Variants in RNF187 observed in about 807,000 individuals in gnomAD.
RNF187 encodes the protein ring finger protein 187, also known as E3 ubiquitin-protein ligase RNF187.
In RNF187, 18 loss-of-function variants were observed where a neutral mutation model predicts 22.2. The observed-to-expected ratio is 0.81, with a 90% CI of 0.56 to 1.20. The LOEUF is 1.20. RNF187 is among the 50% of genes most tolerant of loss of function. The pLI is 0.00. For missense variants in RNF187, 329 were observed against 317.6 expected (o/e 1.04, Z -0.27); for synonymous variants, 164 against 140.9 (o/e 1.16, Z -1.16).
Position 228,495,754 on chromosome 1 carries a change from A to G in RNF187, c.*1869A>G. On this transcript the variant is annotated 3_prime_UTR_variant, in exon 4 of 4. Coordinates refer to ENST00000305943, the MANE Select transcript of RNF187 (RefSeq NM_001010858.3). ...TTCTATTTAAGAAAATTATATATTT[A>G]TGGGGCACAGTGTGATGTTTTGATA... is the stretch of plus-strand genomic sequence containing the variant. 1.0e-6 allele frequency: 1 copy of G among 983,724 alleles called. No homozygotes were observed. The highest frequency in any genetic ancestry group is 4.7e-5 in the South Asian group (1 of 21,262). The allele number at this position is 983,724 out of a possible 1,614,324, so 60.9% of individuals were successfully genotyped here.
Position 228,493,069 on chromosome 1 carries a change from G to C in RNF187, c.500G>C (p.Arg167Pro). 4 of 1,549,900 alleles carry C rather than the reference G, an allele frequency of 2.6e-6. No individual in the cohort carries two copies. The highest frequency in any genetic ancestry group is 3.5e-6 in the Non-Finnish European group (4 of 1,145,800). ...CGTTTGCAGGGACACGTGATGGACC[G>C]TAGGAAGAAGGCACTGACCGACTAC... The change falls in exon 3 of 4, where the codon CGT becomes CCT. Residue 167 changes from arginine (R) to proline (P), a missense_variant. Physicochemically the swap from Arg to Pro is moderately radical, Grantham distance 103 (BLOSUM62 -2). Coordinates refer to ENST00000305943, the MANE Select transcript of RNF187 (RefSeq NM_001010858.3). The surrounding 1 kb of genome is among the most constrained non-coding windows in gnomAD (Gnocchi z 4.7).
In RNF187 at chr1:228,493,343, G is replaced by T; in HGVS notation, c.705+69G>T. ...GACGCAGGCAGCAGCGAGCCATTGG[G>T]GGACCATTGCCCGAAGTCAAGGCTT... is the stretch of plus-strand genomic sequence containing the variant. On this transcript the variant is annotated intron_variant, in intron 3 of 3. Coordinates refer to ENST00000305943, the MANE Select transcript of RNF187 (RefSeq NM_001010858.3). The surrounding 1 kb of genome is among the most constrained non-coding windows in gnomAD (Gnocchi z 4.7). The T allele has an allele frequency of 6.7e-7, 1 of 1,499,532 alleles. No homozygotes were observed. Among genetic ancestry groups the T allele is most frequent in the South Asian group, 1.3e-5 (1 of 78,640 alleles). The allele number at this position is 1,499,532 out of a possible 1,614,324, so 92.9% of individuals were successfully genotyped here.
chr1:228,493,557 G>T lies in RNF187; in HGVS notation c.705+283G>T. 6.6e-6 allele frequency among the ~76,000 whole-genome samples: 1 copy of T among 152,240 alleles called. No individual in the cohort carries two copies. The highest frequency in any genetic ancestry group is 1.5e-5 in the Non-Finnish European group (1 of 68,042). On this transcript the variant is annotated intron_variant, in intron 3 of 3. Coordinates refer to ENST00000305943, the MANE Select transcript of RNF187 (RefSeq NM_001010858.3). The surrounding 1 kb of genome is among the most constrained non-coding windows in gnomAD (Gnocchi z 4.7). ...TGGAAGGCTCCTGCCTCGCCCTGGGGTCCTGAAGGCAGAAGCAGCCAAGAA... is the reference window on the plus strand; with the variant it reads ...TGGAAGGCTCCTGCCTCGCCCTGGGTTCCTGAAGGCAGAAGCAGCCAAGAA...
chr1:228,488,873 T>G, intron 1 of RNF187, 87 bp from the exon 2 acceptor site: 2 of 1,045,616 alleles, frequency 1.9e-6, no homozygotes, highest in Non-Finnish European at 2.9e-6. Flanking sequence ...CTGTGTGCAG[T>G]CAGCTGGGGT....
intron 1 of RNF187, chr1:228,488,632 G>T: frequency 4.7e-6 from 1 of 212,300 alleles, no homozygotes; most frequent in Non-Finnish European, 9.6e-6. Flanking sequence ...CCCCCATCCG[G>T]CTCAGGCAGG....
In RNF187 at chr1:228,495,346, G is replaced by A; in HGVS notation, c.*1461G>A. 2 of 392,916 alleles carry A rather than the reference G, an allele frequency of 5.1e-6. No homozygotes were observed. The highest frequency in any genetic ancestry group is 1.6e-4 in the East Asian group (1 of 6,150). 24.3% of individuals were successfully genotyped at this position (392,916 alleles called of 1,614,324 possible). On this transcript the variant is annotated 3_prime_UTR_variant, in exon 4 of 4. Coordinates refer to ENST00000305943, the MANE Select transcript of RNF187 (RefSeq NM_001010858.3). ...GGAACCCAGTCAGGTACCATTGAGG[G>A]TGGTCAGATATTATGGTTAACCAAA...
Position 228,493,049 on chromosome 1 carries a change from GC to G in RNF187, c.484-3del. On this transcript the variant is annotated splice_polypyrimidine_tract_variant and splice_region_variant and intron_variant, in intron 2 of 3. Coordinates refer to ENST00000305943, the MANE Select transcript of RNF187 (RefSeq NM_001010858.3). This position sits in a 1 kb window ranked among gnomAD's most constrained non-coding sequence, Gnocchi z 4.7. ...ACAGGTCTTTTCCTGCCACCCGTTT[GC>G]AGGGACACGTGATGGACCGTAGGAA... The G allele has an allele frequency of 9.7e-6, 15 of 1,538,474 alleles. No individual in the cohort carries two copies. The highest frequency in any genetic ancestry group is 1.2e-5 in the Non-Finnish European group (14 of 1,137,850).
chr1:228,488,957 C>T lies in RNF187; in HGVS notation c.391-3C>T. The T allele has an allele frequency of 2.6e-6, 4 of 1,550,754 alleles. No individual in the cohort carries two copies. The African/African-American group carries it at 4.1e-5, about 16-fold the overall frequency. ...ACCCCTGGTGACCTTCTTTTCTTTA[C>T]AGGAGAACAAGGGGTCTGTGGAAAT... On this transcript the variant is annotated splice_polypyrimidine_tract_variant and splice_region_variant and intron_variant, in intron 1 of 3. Coordinates refer to ENST00000305943, the MANE Select transcript of RNF187 (RefSeq NM_001010858.3).
At position 228,494,589 on chromosome 1, in the gene RNF187, C is replaced by G; in HGVS notation, c.*704C>G. On this transcript the variant is annotated 3_prime_UTR_variant, in exon 4 of 4. Transcript: ENST00000305943. ...CTGTTTCCCTGGGTGAGGGGGCTGGCAGGTGGCTAACCCCATTTAGCATCT... is the reference window on the plus strand; with the variant it reads ...CTGTTTCCCTGGGTGAGGGGGCTGGGAGGTGGCTAACCCCATTTAGCATCT... 6.1e-6 allele frequency: 6 copies of G among 985,834 alleles called. No individual in the cohort carries two copies. The highest frequency in any genetic ancestry group is 7.2e-6 in the Non-Finnish European group (6 of 830,264). 61.1% of individuals were successfully genotyped at this position (985,834 alleles called of 1,614,324 possible). A position where few individuals can be genotyped will look rare whatever the true frequency, so the allele number is the denominator to read the frequency against.
At chr1:228,489,480 C>G in intron 2 of RNF187, among the ~76,000 whole-genome samples, 1 of 152,066 alleles carries the variant, frequency 6.6e-6, no homozygotes. Flanking sequence ...AAATGCTTTT[C>G]TAGAGGTGGG....
intron 2 of RNF187, among the ~76,000 whole-genome samples, chr1:228,492,370 T>G: frequency 0.079 from 11,943 of 151,758 alleles, 534 homozygotes; most frequent in Non-Finnish European, 0.11. Context: ...TTGTTTTTTT[T>G]TTTGTTTTTT....
chr1:228,495,821 A>C lies in RNF187; in HGVS notation c.*1936A>C. Reference sequence around the variant, plus strand: ...AGTGACAGATTAATGTATCCATCTCATGTTTTTTTTGGTGGTGAGAATATT... The same window carrying C: ...AGTGACAGATTAATGTATCCATCTCCTGTTTTTTTTGGTGGTGAGAATATT... On this transcript the variant is annotated 3_prime_UTR_variant, in exon 4 of 4. Coordinates refer to ENST00000305943, the MANE Select transcript of RNF187 (RefSeq NM_001010858.3). 4.0e-4 allele frequency: 354 copies of C among 876,308 alleles called. No individual in the cohort carries two copies. Among genetic ancestry groups the C allele is most frequent in the Middle Eastern group, 1.2e-3 (2 of 1,698 alleles). The allele number at this position is 876,308 out of a possible 1,614,324, so 54.3% of individuals were successfully genotyped here.
In RNF187 at chr1:228,491,459, G is replaced by T; in HGVS notation, c.484-1594G>T. 8.7e-4 allele frequency among the ~76,000 whole-genome samples: 118 copies of T among 136,162 alleles called. 1 individual carries two copies. Among genetic ancestry groups the T allele is most frequent in the East Asian group, 6.0e-3 (27 of 4,498 alleles). 89.3% of individuals were successfully genotyped at this position (136,162 alleles called of 152,430 possible). On this transcript the variant is annotated intron_variant, in intron 2 of 3. Coordinates refer to ENST00000305943, the MANE Select transcript of RNF187 (RefSeq NM_001010858.3). ...AAAAAACATAGGATTTTTTTTTTTT[G>T]AGATGGAGTCTTGCTCTGTTGCCCA...
chr1:228,491,769 C>T, intron 2 of RNF187, among the ~76,000 whole-genome samples: 7 of 152,104 alleles, frequency 4.6e-5, no homozygotes, highest in African/African-American at 4.8e-5. Flanking sequence ...AAGTTTTATA[C>T]AGCACAGGCT....
intron 2 of RNF187, among the ~76,000 whole-genome samples, chr1:228,492,703 T>A: frequency 7.9e-6 from 1 of 126,948 alleles, no homozygotes; most frequent in Admixed American, 8.7e-5. Context: ...TCGGGCTCAC[T>A]GCAACCTCCG....
chr1:228,493,742 G>T lies in RNF187; in HGVS notation c.706-141G>T. The T allele has an allele frequency of 1.0e-6, 1 of 961,148 alleles. No individual in the cohort carries two copies. The highest frequency in any genetic ancestry group is 1.6e-6 in the Non-Finnish European group (1 of 617,368). 59.5% of individuals were successfully genotyped at this position (961,148 alleles called of 1,614,324 possible). A position where few individuals can be genotyped will look rare whatever the true frequency, so the allele number is the denominator to read the frequency against. On this transcript the variant is annotated intron_variant, in intron 3 of 3. Transcript: ENST00000305943. The surrounding 1 kb of genome is among the most constrained non-coding windows in gnomAD (Gnocchi z 4.7). The stretch of plus-strand genomic sequence containing the variant: ...GACGGAAGTCTGGGCCAGGCCCTGG[G>T]TTTGTTGTGCTCAGGACAGTACCTC...
chr1:228,494,989 G>T lies in RNF187; in HGVS notation c.*1104G>T. 2 of 985,674 alleles carry T rather than the reference G, an allele frequency of 2.0e-6. No individual in the cohort carries two copies. The highest frequency in any genetic ancestry group is 2.4e-6 in the Non-Finnish European group (2 of 830,110). 61.1% of individuals were successfully genotyped at this position (985,674 alleles called of 1,614,324 possible). A position where few individuals can be genotyped will look rare whatever the true frequency, so the allele number is the denominator to read the frequency against. On this transcript the variant is annotated 3_prime_UTR_variant, in exon 4 of 4. Transcript: ENST00000305943. ...GTGTCAGCTCGTTTGCTTCGTCTCCGTGTGTCCACCTGGCCTCTTCCCCCT... is the reference window on the plus strand; with the variant it reads ...GTGTCAGCTCGTTTGCTTCGTCTCCTTGTGTCCACCTGGCCTCTTCCCCCT...
Position 228,494,544 on chromosome 1 carries a change from G to A in RNF187, c.*659G>A. Reference sequence around the variant, plus strand: ...CCCTCCCTGTGCTCCACCTGCCTCCGCAGAAGGAAGCCTCTTTCTCTGTTT... The same window carrying A: ...CCCTCCCTGTGCTCCACCTGCCTCCACAGAAGGAAGCCTCTTTCTCTGTTT... On this transcript the variant is annotated 3_prime_UTR_variant, in exon 4 of 4. Transcript: ENST00000305943. 3 of 985,702 alleles carry A rather than the reference G, an allele frequency of 3.0e-6. No homozygotes were observed. Among genetic ancestry groups the A allele is most frequent in the African/African-American group, 1.7e-5 (1 of 57,264 alleles). The allele number at this position is 985,702 out of a possible 1,614,324, so 61.1% of individuals were successfully genotyped here. A position where few individuals can be genotyped will look rare whatever the true frequency, so the allele number is the denominator to read the frequency against.
Position 228,495,359 on chromosome 1 carries a change from ATGGT to A in RNF187, c.*1476_*1479del. The A allele has an allele frequency of 1.9e-6, 1 of 518,660 alleles. No individual in the cohort carries two copies. The allele number at this position is 518,660 out of a possible 1,614,324, so 32.1% of individuals were successfully genotyped here. A position where few individuals can be genotyped will look rare whatever the true frequency, so the allele number is the denominator to read the frequency against. On this transcript the variant is annotated 3_prime_UTR_variant, in exon 4 of 4. Transcript: ENST00000305943. ...GTACCATTGAGGGTGGTCAGATATT[ATGGT>A]TAACCAAATTAGGGTTCTTGCTAAA...
Sources: gnomAD v4.1 joint callset for allele counts (sites outside exome capture counted in the v4.1 genomes callset) on GRCh38, gnomAD v4.1.1 for gene constraint, Gnocchi (gnomAD v3.1) non-coding constraint, MANE v1.5 for transcripts, NCBI Gene and HGNC (gene_info 2026-07-23, HGNC 2026-07-21) for gene names.